CREB5: variants seen among roughly 807,000 people sequenced by gnomAD.
The protein encoded by CREB5 is cyclic AMP-responsive element-binding protein 5.
Under a neutral mutation model 57.1 loss-of-function variants are expected in CREB5, and 19 were observed. That is an observed-to-expected ratio of 0.33 (90% CI 0.23 to 0.49). The LOEUF (loss-of-function observed/expected upper bound fraction) is 0.49. Ranked by LOEUF, CREB5 falls within the 20% of genes least tolerant of loss-of-function variation. The probability of loss-of-function intolerance (pLI) is 0.99; values close to 1 mark genes in which losing one functional copy is unlikely to be tolerated. For missense variants in CREB5, 579 were observed against 671.6 expected (o/e 0.86, Z 1.52); for synonymous variants, 238 against 238.3 (o/e 1.00, Z 0.01).
intron 5 of CREB5, among the ~76,000 whole-genome samples, chr7:28,639,866 T>G (rs952458091): frequency 6.6e-6 from 1 of 152,138 alleles, no homozygotes; most frequent in Non-Finnish European, 1.5e-5. Flanking sequence ...CTGCCTGAAA[T>G]TCACAACTGG....
Position 28,690,385 on chromosome 7 carries a change from C to T in CREB5, c.465-28368C>T, listed in dbSNP as rs185993968. On this transcript the variant is annotated intron_variant, in intron 5 of 10. Coordinates refer to ENST00000357727, the MANE Select transcript of CREB5 (RefSeq NM_182898.4). ...ATGCTGAACTCACATTCTTCCTCCT[C>T]GCCCTCACATGTTTCCCTTGGTGAG... Among the ~76,000 whole-genome samples, 403 of 152,314 alleles carry T rather than the reference C, an allele frequency of 2.6e-3. 1 individual carries two copies. Among genetic ancestry groups the T allele is most frequent in the African/African-American group, 8.9e-3 (368 of 41,566 alleles).
In CREB5 at chr7:28,640,071, C is replaced by T. The variant is rs1798588629; in HGVS notation, c.464+69534C>T. Reference sequence around the variant, plus strand: ...GAGGAATTTGGTTGAAACTGTTAACCTTAGTTACCTGCTCCAGAGCAGTGT... The same window carrying T: ...GAGGAATTTGGTTGAAACTGTTAACTTTAGTTACCTGCTCCAGAGCAGTGT... On this transcript the variant is annotated intron_variant, in intron 5 of 10. Transcript: ENST00000357727. Among the ~76,000 whole-genome samples, 3 of 152,152 alleles carry T rather than the reference C, an allele frequency of 2.0e-5. No homozygotes were observed. The South Asian group carries it at 6.2e-4, about 32-fold the overall frequency.
intron 7 of CREB5, among the ~76,000 whole-genome samples, chr7:28,732,611 T>C (rs1020405299): frequency 6.6e-6 from 1 of 152,206 alleles, no homozygotes; most frequent in Non-Finnish European, 1.5e-5. Flanking sequence ...TGCAGAGATA[T>C]ATTTTGGTCA....
At chr7:28,550,308 C>G (rs1242307569) in intron 4 of CREB5, among the ~76,000 whole-genome samples, 1 of 152,098 alleles carries the variant, frequency 6.6e-6, no homozygotes, top group Non-Finnish European at 1.5e-5. Context: ...CACTAAACAC[C>G]AAGCCTATTG....
At chr7:28,630,617 C>T (rs1297086850) in intron 5 of CREB5, among the ~76,000 whole-genome samples, 1 of 152,112 alleles carries the variant, frequency 6.6e-6, no homozygotes, top group Admixed American at 6.6e-5. Context: ...AACAGAGGGA[C>T]ACATGATGAA....
Position 28,543,460 on chromosome 7 carries a change from A to G in CREB5, c.292-26905A>G, listed in dbSNP as rs528581892. Reference sequence around the variant, plus strand: ...AGATTGTTTGCCCAATGTCTTTTTAAAATACTTAATTATATATCCTAGGCA... The same window carrying G: ...AGATTGTTTGCCCAATGTCTTTTTAGAATACTTAATTATATATCCTAGGCA... On this transcript the variant is annotated intron_variant, in intron 4 of 10. Transcript: ENST00000357727. Among the ~76,000 whole-genome samples, 6 of 152,198 alleles carry G rather than the reference A, an allele frequency of 3.9e-5. No homozygotes were observed. The East Asian group carries it at 9.7e-4, about 25-fold the overall frequency.
At chr7:28,320,801 CTTAAG>C (rs1271983318) in intron 1 of CREB5, among the ~76,000 whole-genome samples, 4 of 152,192 alleles carry the variant, frequency 2.6e-5, no homozygotes, top group Non-Finnish European at 4.4e-5. Flanking sequence ...GAAGACAATT[CTTAAG>C]TTAAGAAAAT....
chr7:28,588,683 C>T (rs1796387910), intron 5 of CREB5, among the ~76,000 whole-genome samples: 1 of 152,248 alleles, frequency 6.6e-6, no homozygotes, highest in Admixed American at 6.5e-5. Context: ...GGTTCCAAAA[C>T]CATGCAAAAC....
chr7:28,484,656 C>A (rs1200368139), intron 1 of CREB5, among the ~76,000 whole-genome samples: 1 of 152,162 alleles, frequency 6.6e-6, no homozygotes, highest in East Asian at 1.9e-4. Flanking sequence ...GGATCCGTGG[C>A]ATGTAATACA....
intron 4 of CREB5, 116 bp from the exon 5 acceptor site, chr7:28,570,249 C>A: frequency 8.8e-7 from 1 of 1,136,644 alleles, no homozygotes. Flanking sequence ...TGCCGGAAGC[C>A]ATAACTCTCT....
intron 3 of CREB5, among the ~76,000 whole-genome samples, chr7:28,501,025 C>T (rs997354359): frequency 2.6e-5 from 4 of 152,194 alleles, no homozygotes; most frequent in East Asian, 3.9e-4. Flanking sequence ...CCAGTCATTG[C>T]GCCCTGTGCT....
chr7:28,801,290 A>AT (rs558470644), intron 7 of CREB5, among the ~76,000 whole-genome samples: 1,013 of 152,266 alleles, frequency 6.7e-3, no homozygotes, highest in Middle Eastern at 0.02. Context: ...GTAGTAATTG[A>AT]TTTTTTATTA....
intron 1 of CREB5, among the ~76,000 whole-genome samples, chr7:28,440,934 A>G (rs939565897): frequency 6.6e-6 from 1 of 152,148 alleles, no homozygotes; most frequent in Non-Finnish European, 1.5e-5. Flanking sequence ...GTGCATTGGG[A>G]TATATAATGA....
At chr7:28,333,341 A>T (rs1027782397) in intron 1 of CREB5, among the ~76,000 whole-genome samples, 2 of 152,182 alleles carry the variant, frequency 1.3e-5, no homozygotes, top group Admixed American at 1.3e-4. Context: ...TGTAATAATC[A>T]TCTTGGGGTA....
intron 4 of CREB5, among the ~76,000 whole-genome samples, chr7:28,522,390 G>GTTTTTTTTTTTTTTTTTTTTTTTT (rs11291433): frequency 1.0e-5 from 1 of 97,604 alleles, no homozygotes; most frequent in Non-Finnish European, 2.1e-5. Context: ...CCTGCTCTTT[G>GTTTTTTTTTTTTTTTTTTTTTTTT]TTTTTTTTTT....
chr7:28,382,375 C>T (rs936065157), intron 1 of CREB5, among the ~76,000 whole-genome samples: 1 of 152,168 alleles, frequency 6.6e-6, no homozygotes, highest in African/African-American at 2.4e-5. Context: ...GTTTCACTTT[C>T]AGCAGAAGCG....
chr7:28,693,226 G>A (rs565888545), intron 5 of CREB5, among the ~76,000 whole-genome samples: 6 of 152,078 alleles, frequency 3.9e-5, no homozygotes, highest in Admixed American at 1.3e-4. Context: ...CAATCATATG[G>A]CCCCCAGTGA....
At chr7:28,570,107 T>C (rs1264088079) in intron 4 of CREB5, among the ~76,000 whole-genome samples, 1 of 152,192 alleles carries the variant, frequency 6.6e-6, no homozygotes, top group Non-Finnish European at 1.5e-5. Context: ...GATGCAAACC[T>C]CACATCAGGA....
At chr7:28,766,315 G>A (rs1359870213) in intron 7 of CREB5, among the ~76,000 whole-genome samples, 1 of 152,084 alleles carries the variant, frequency 6.6e-6, no homozygotes. Flanking sequence ...CCCCTACTCT[G>A]GAACAAGCTC....
Sources: allele counts gnomAD v4.1 joint callset (sites outside exome capture counted in the v4.1 genomes callset), GRCh38; gene constraint gnomAD v4.1.1; transcripts MANE v1.5; gene names NCBI Gene and HGNC (gene_info 2026-07-23, HGNC 2026-07-21).